The following FRYL variants were observed in gnomAD, a reference collection of about 807,000 sequenced individuals.
FRYL encodes the protein protein furry homolog-like.
FRYL carries 150 observed loss-of-function variants against 351.2 expected under a neutral mutation model. That is an observed-to-expected ratio of 0.43 (90% CI 0.37 to 0.49). The LOEUF is 0.49. Ranked by LOEUF, FRYL falls within the 20% of genes least tolerant of loss-of-function variation. The pLI, the probability that FRYL is intolerant of heterozygous loss-of-function variation, is 0.00. For synonymous variants in FRYL, 1,153 were observed against 1,257.1 expected (o/e 0.92, Z 1.75); for missense variants, 3,036 against 3,619.3 (o/e 0.84, Z 4.13).
chr4:48,619,493 T>C (rs770154873), intron 6 of FRYL, 123 bp from the exon 7 acceptor site: 2 of 526,794 alleles, frequency 3.8e-6, no homozygotes, highest in Non-Finnish European at 6.5e-6. Context: ...CAATTGTTAA[T>C]ATGAAGCTTT....
intron 59 of FRYL, chr4:48,506,437 A>G (rs1012925298): frequency 6.6e-6 from 1 of 151,756 alleles, no homozygotes; most frequent in Non-Finnish European, 1.5e-5. Context: ...AAATATAAAT[A>G]AAACAATAGC....
intron 1 of FRYL, among the ~76,000 whole-genome samples, chr4:48,774,487 G>A (rs1256947284): frequency 1.3e-5 from 2 of 152,066 alleles, no homozygotes; most frequent in Non-Finnish European, 2.9e-5. Flanking sequence ...AAGGAGGGTG[G>A]TAGGGGGATC....
intron 18 of FRYL, among the ~76,000 whole-genome samples, chr4:48,586,929 C>T (rs1215514847): frequency 6.6e-6 from 1 of 151,874 alleles, no homozygotes; most frequent in African/African-American, 2.4e-5. Flanking sequence ...CAAAATAAAA[C>T]CAGCAAACAA....
intron 6 of FRYL, 54 bp downstream of exon 6, chr4:48,620,585 C>A (rs1453425427): frequency 3.9e-6 from 6 of 1,527,152 alleles, no homozygotes. Flanking sequence ...AATATCACCC[C>A]TTCATTGGAA....
At chr4:48,702,231 G>A (rs1232446595) in intron 2 of FRYL, among the ~76,000 whole-genome samples, 6 of 151,570 alleles carry the variant, frequency 4.0e-5, no homozygotes, top group Non-Finnish European at 5.9e-5. Context: ...TGAGGCGGGC[G>A]GATCACCTGA....
intron 43 of FRYL, 119 bp downstream of exon 43, chr4:48,544,664 T>A: frequency 1.4e-6 from 1 of 737,780 alleles, no homozygotes; most frequent in Non-Finnish European, 2.0e-6. Context: ...ATTAATAAAT[T>A]AAAAGTCTAA....
chr4:48,657,047 T>TA (rs1413337580), intron 3 of FRYL, among the ~76,000 whole-genome samples: 1 of 152,212 alleles, frequency 6.6e-6, no homozygotes, highest in Non-Finnish European at 1.5e-5. Context: ...CCTGAACTTT[T>TA]ATCATCCAGT....
At chr4:48,651,064 C>T (rs1051677556) in intron 3 of FRYL, among the ~76,000 whole-genome samples, 1 of 152,070 alleles carries the variant, frequency 6.6e-6, no homozygotes, top group African/African-American at 2.4e-5. Context: ...TCTTAAGTCT[C>T]CACTGACCCT....
intron 3 of FRYL, among the ~76,000 whole-genome samples, chr4:48,683,062 A>G (rs1244663070): frequency 6.6e-6 from 1 of 152,230 alleles, no homozygotes; most frequent in Non-Finnish European, 1.5e-5. Flanking sequence ...AATGTGGCAC[A>G]TATATACCAT....
At chr4:48,651,688 A>G (rs547781338) in intron 3 of FRYL, among the ~76,000 whole-genome samples, 1 of 152,332 alleles carries the variant, frequency 6.6e-6, no homozygotes, top group Non-Finnish European at 1.5e-5. Context: ...TGGTTGACTC[A>G]AAAGTGTTGA....
intron 60 of FRYL, among the ~76,000 whole-genome samples, chr4:48,503,929 A>G (rs760120444): frequency 2.0e-5 from 3 of 152,164 alleles, no homozygotes; most frequent in Non-Finnish European, 4.4e-5. Flanking sequence ...CCTCACTTCT[A>G]TTAGCACAAA....
intron 35 of FRYL, among the ~76,000 whole-genome samples, chr4:48,554,337 A>G (rs1733591792): frequency 6.6e-6 from 1 of 151,894 alleles, no homozygotes; most frequent in Non-Finnish European, 1.5e-5. Context: ...TATCCCAACC[A>G]AATTCTTTTT....
chr4:48,748,862 T>C (rs1255308010), intron 1 of FRYL, among the ~76,000 whole-genome samples: 2 of 151,938 alleles, frequency 1.3e-5, no homozygotes, highest in African/African-American at 2.4e-5. Flanking sequence ...GGCGTAGGGG[T>C]TGCAATTTTT....
intron 9 of FRYL, among the ~76,000 whole-genome samples, chr4:48,607,024 TCA>T (rs1445444820): frequency 6.6e-6 from 1 of 152,170 alleles, no homozygotes; most frequent in African/African-American, 2.4e-5. Flanking sequence ...ATAAATTTGT[TCA>T]CAGAGATAAG....
chr4:48,772,999 C>A (rs1186954163), intron 1 of FRYL, among the ~76,000 whole-genome samples: 1 of 152,120 alleles, frequency 6.6e-6, no homozygotes, highest in Admixed American at 6.5e-5. Flanking sequence ...CAAGGAAGCA[C>A]CAGCATCAAA....
chr4:48,718,876 A>G (rs1424157510), intron 1 of FRYL, among the ~76,000 whole-genome samples: 1 of 151,376 alleles, frequency 6.6e-6, no homozygotes. Context: ...ACTTACACTC[A>G]TGCTCCATAG....
chr4:48,607,395 C>T (rs1747087446), intron 9 of FRYL, among the ~76,000 whole-genome samples: 1 of 152,014 alleles, frequency 6.6e-6, no homozygotes, highest in Non-Finnish European at 1.5e-5. Context: ...AATATAACAT[C>T]TTTTTTTATT....
chr4:48,681,957 A>G (rs757866195), intron 3 of FRYL, among the ~76,000 whole-genome samples: 1 of 152,184 alleles, frequency 6.6e-6, no homozygotes, highest in Non-Finnish European at 1.5e-5. Flanking sequence ...AAGAGAGTAC[A>G]ATAAAGGAAT....
intron 1 of FRYL, among the ~76,000 whole-genome samples, chr4:48,774,700 C>T (rs1316557255): frequency 4.6e-5 from 7 of 152,064 alleles, no homozygotes; most frequent in African/African-American, 1.7e-4. Flanking sequence ...CATGTGCCAC[C>T]ACACCCGGCT....
Sources: gnomAD v4.1 joint callset for allele counts (sites outside exome capture counted in the v4.1 genomes callset) on GRCh38, gnomAD v4.1.1 for gene constraint, MANE v1.5 for transcripts, NCBI Gene and HGNC (gene_info 2026-07-23, HGNC 2026-07-21) for gene names.